The following KIF13B variants were observed in gnomAD, a reference collection of about 807,000 sequenced individuals.
KIF13B encodes the protein kinesin-like protein KIF13B.
KIF13B carries 127 observed loss-of-function variants against 222.0 expected under a neutral mutation model. The observed-to-expected ratio is 0.57, with a 90% confidence interval of 0.50 to 0.66. The LOEUF is 0.66. Ranked by LOEUF, KIF13B falls within the 30% of genes least tolerant of loss-of-function variation. The pLI, the probability that KIF13B is intolerant of heterozygous loss-of-function variation, is 0.00. For missense variants in KIF13B, 2,173 were observed against 2,379.0 expected (o/e 0.91, Z 1.80); for synonymous variants, 976 against 919.0 (o/e 1.06, Z -1.12).
At chr8:29,177,241 C>A (rs1022384146) in intron 9 of KIF13B, among the ~76,000 whole-genome samples, 2 of 151,828 alleles carry the variant, frequency 1.3e-5, no homozygotes, top group African/African-American at 4.8e-5. Context: ...AAAAGAATTA[C>A]CTGACCCAAA....
At chr8:29,163,060 A>C (rs1328911248) in intron 12 of KIF13B, among the ~76,000 whole-genome samples, 3 of 152,178 alleles carry the variant, frequency 2.0e-5, no homozygotes, top group Admixed American at 1.3e-4. Context: ...GATCTATCTC[A>C]AGGTTTTGAT....
At chr8:29,260,729 G>T (rs534159271) in intron 1 of KIF13B, among the ~76,000 whole-genome samples, 2 of 151,784 alleles carry the variant, frequency 1.3e-5, no homozygotes, top group South Asian at 2.1e-4. Context: ...CTATTCTCCC[G>T]CCTCAGCCTC....
intron 36 of KIF13B, among the ~76,000 whole-genome samples, chr8:29,097,060 A>C (rs946125185): frequency 2.6e-5 from 4 of 152,202 alleles, no homozygotes; most frequent in Non-Finnish European, 2.9e-5. Flanking sequence ...GACCCAACCA[A>C]ATGTTGTCTA....
At chr8:29,072,590 T>C (rs1016893448) in intron 38 of KIF13B, among the ~76,000 whole-genome samples, 3 of 152,160 alleles carry the variant, frequency 2.0e-5, no homozygotes, top group Non-Finnish European at 2.9e-5. Context: ...TTCTGCCACT[T>C]AGGGCTGCAT....
chr8:29,095,253 GATA>G (rs1446660600), intron 36 of KIF13B, among the ~76,000 whole-genome samples: 1 of 152,224 alleles, frequency 6.6e-6, no homozygotes, highest in African/African-American at 2.4e-5. Flanking sequence ...ACCAAACAAA[GATA>G]CCACACTGAG....
intron 2 of KIF13B, among the ~76,000 whole-genome samples, chr8:29,201,013 T>A (rs1813670674): frequency 6.6e-6 from 1 of 152,220 alleles, no homozygotes; most frequent in South Asian, 2.1e-4. Context: ...AATTACTATT[T>A]TTACCTTCGT....
At chr8:29,102,901 T>C (rs547120384) in intron 35 of KIF13B, among the ~76,000 whole-genome samples, 6 of 152,340 alleles carry the variant, frequency 3.9e-5, no homozygotes, top group Non-Finnish European at 5.9e-5. Flanking sequence ...TACAACCTTA[T>C]TGACTTCTTA....
intron 27 of KIF13B, 70 bp from the exon 28 acceptor site, chr8:29,123,562 G>A: frequency 6.3e-7 from 1 of 1,580,064 alleles, no homozygotes; most frequent in South Asian, 1.1e-5. Flanking sequence ...CCTGAGTAAA[G>A]ACTGGATTTG....
intron 37 of KIF13B, among the ~76,000 whole-genome samples, chr8:29,085,700 CTCTTCTT>C: frequency 1.0e-5 from 1 of 99,476 alleles, no homozygotes; most frequent in South Asian, 3.4e-4. Context: ...AACAGAAATA[CTCTTCTT>C]TTTTTTTTTT....
intron 2 of KIF13B, among the ~76,000 whole-genome samples, chr8:29,224,950 A>C (rs760574371): frequency 1.2e-4 from 18 of 152,252 alleles, no homozygotes; most frequent in Non-Finnish European, 2.5e-4. Context: ...CAATGCAGTT[A>C]TGCTGAAGTA....
At chr8:29,080,327 CAA>C (rs5890439) in intron 37 of KIF13B, among the ~76,000 whole-genome samples, 8 of 67,152 alleles carry the variant, frequency 1.2e-4, no homozygotes, top group Non-Finnish European at 2.1e-4. Flanking sequence ...GACCCAGTCT[CAA>C]AAAAAAAAAA....
chr8:29,231,092 C>T (rs937388171), intron 2 of KIF13B, among the ~76,000 whole-genome samples: 1 of 152,090 alleles, frequency 6.6e-6, no homozygotes, highest in African/African-American at 2.4e-5. Context: ...GTTGCCAAGG[C>T]TGTTCTTGAA....
intron 36 of KIF13B, among the ~76,000 whole-genome samples, chr8:29,094,249 AG>A (rs1808422694): frequency 6.6e-6 from 1 of 152,002 alleles, no homozygotes; most frequent in Non-Finnish European, 1.5e-5. Context: ...TACAGGGGAC[AG>A]AATTGCGTTT....
chr8:29,197,393 T>C (rs1480075171), intron 2 of KIF13B, among the ~76,000 whole-genome samples: 1 of 142,502 alleles, frequency 7.0e-6, no homozygotes, highest in Non-Finnish European at 1.5e-5. Context: ...AATCCTGAGA[T>C]AGTTTCAAAC....
intron 6 of KIF13B, among the ~76,000 whole-genome samples, chr8:29,183,484 C>T (rs1222654024): frequency 2.0e-5 from 3 of 152,106 alleles, no homozygotes; most frequent in Non-Finnish European, 4.4e-5. Flanking sequence ...TTCTTTGACG[C>T]CTATGAAGAG....
In KIF13B at chr8:29,236,427, C is replaced by T. The variant is rs1815510653; in HGVS notation, c.149+8919G>A. ...CATGGAGGTTCATTATACTATTATA[C>T]TATTCTGCCTAAATTGGCATATCTT... On this transcript the variant is annotated intron_variant, in intron 2 of 39. Coordinates refer to ENST00000524189, the MANE Select transcript of KIF13B (RefSeq NM_015254.4). 2.0e-5 allele frequency among the ~76,000 whole-genome samples: 3 copies of T among 152,166 alleles called. No individual in the cohort carries two copies. In the South Asian group the frequency reaches 6.2e-4, roughly 31 times the overall value.
chr8:29,216,464 T>C (rs1048436559), intron 2 of KIF13B, among the ~76,000 whole-genome samples: 18 of 152,108 alleles, frequency 1.2e-4, no homozygotes, highest in Non-Finnish European at 1.5e-5. Context: ...CTGGGCATGG[T>C]GGCGGGTGCC....
intron 35 of KIF13B, among the ~76,000 whole-genome samples, chr8:29,099,825 T>C (rs1404803920): frequency 4.6e-5 from 7 of 152,202 alleles, no homozygotes; most frequent in Non-Finnish European, 1.0e-4. Context: ...CTCTGCATCC[T>C]GTTGCCTCCC....
chr8:29,168,494 C>G (rs555732167), intron 10 of KIF13B, among the ~76,000 whole-genome samples: 30 of 152,336 alleles, frequency 2.0e-4, no homozygotes, highest in Admixed American at 1.3e-3. Flanking sequence ...CATCGGTCTC[C>G]AAGGAATGAA....
Sources: allele counts gnomAD v4.1 joint callset (sites outside exome capture counted in the v4.1 genomes callset), GRCh38; gene constraint gnomAD v4.1.1; transcripts MANE v1.5; gene names NCBI Gene and HGNC (gene_info 2026-07-23, HGNC 2026-07-21).